Variants in PAG1 observed in about 807,000 individuals in gnomAD.
The protein encoded by PAG1 is phosphoprotein associated with glycosphingolipid-enriched microdomains 1.
A neutral mutation model predicts 31.7 loss-of-function variants in PAG1; 23 were observed. That is an observed-to-expected ratio of 0.73 (90% CI 0.52 to 1.03). The LOEUF (loss-of-function observed/expected upper bound fraction) is 1.03. Among genes scored for constraint, PAG1 ranks in the 50% least tolerant of loss-of-function variants. PAG1 has a pLI of 0.00. For synonymous variants in PAG1, 214 were observed against 210.3 expected, an observed-to-expected ratio of 1.02 and a Z score of -0.15; for missense variants, 473 against 540.7, an observed-to-expected ratio of 0.87 and a Z score of 1.24.
At chr8:81,077,856 GGA>G (rs1809204217) in intron 1 of PAG1, among the ~76,000 whole-genome samples, 1 of 152,070 alleles carries the variant, frequency 6.6e-6, no homozygotes, top group African/African-American at 2.4e-5. Context: ...ATAAACCCTG[GGA>G]GAGACCACCC....
chr8:80,993,930 A>T (rs181017468), intron 3 of PAG1, among the ~76,000 whole-genome samples: 2 of 152,210 alleles, frequency 1.3e-5, no homozygotes, highest in African/African-American at 2.4e-5. Context: ...TCTTCAAATA[A>T]AGATTTCAAG....
chr8:81,104,412 C>T (rs368720549), intron 1 of PAG1, among the ~76,000 whole-genome samples: 1 of 148,370 alleles, frequency 6.7e-6, no homozygotes. Flanking sequence ...TCAGTCCACA[C>T]GTTCTCACAG....
At chr8:81,030,292 A>G (rs2130786850) in intron 2 of PAG1, among the ~76,000 whole-genome samples, 1 of 152,356 alleles carries the variant, frequency 6.6e-6, no homozygotes, top group Non-Finnish European at 1.5e-5. Flanking sequence ...AAATTTCAAT[A>G]AAGAAAACTT....
chr8:81,107,507 G>A (rs899938548), intron 1 of PAG1, among the ~76,000 whole-genome samples: 1 of 152,162 alleles, frequency 6.6e-6, no homozygotes, highest in African/African-American at 2.4e-5. Flanking sequence ...TTACTCTGAA[G>A]CTCACTAGTG....
At chr8:81,100,825 CTAATA>C (rs1809598875) in intron 1 of PAG1, among the ~76,000 whole-genome samples, 1 of 152,170 alleles carries the variant, frequency 6.6e-6, no homozygotes, top group South Asian at 2.1e-4. Context: ...AAAGCTAATT[CTAATA>C]TAAGGCTGAC....
At chr8:80,991,438 G>A in intron 5 of PAG1, 41 bp downstream of exon 5, 1 of 1,512,818 alleles carries the variant, frequency 6.6e-7, no homozygotes, top group Non-Finnish European at 9.2e-7. Flanking sequence ...ATGTTCTGGA[G>A]CACGCACGGA....
chr8:80,977,891 C>T (rs979023316), intron 8 of PAG1, among the ~76,000 whole-genome samples: 5 of 152,120 alleles, frequency 3.3e-5, no homozygotes, highest in African/African-American at 9.7e-5. Context: ...CCTTCATTAC[C>T]TGTGTTTATT....
intron 2 of PAG1, among the ~76,000 whole-genome samples, chr8:81,038,957 A>G (rs1190238677): frequency 2.0e-5 from 3 of 152,240 alleles, no homozygotes; most frequent in Admixed American, 6.5e-5. Context: ...TTGAAGGGAA[A>G]TGACACATGA....
chr8:81,032,368 A>G (rs1563636407), intron 2 of PAG1, among the ~76,000 whole-genome samples: 1 of 152,214 alleles, frequency 6.6e-6, no homozygotes, highest in Admixed American at 6.5e-5. Context: ...CAATAATAAA[A>G]AGACAACCCA....
chr8:81,078,404 A>T (rs1219273507), intron 1 of PAG1, among the ~76,000 whole-genome samples: 1 of 152,226 alleles, frequency 6.6e-6, no homozygotes, highest in East Asian at 1.9e-4. Context: ...ATTATAAGTC[A>T]TGAACAGATG....
At position 80,975,101 on chromosome 8, in the gene PAG1, A is replaced by C. The variant is rs575054959; in HGVS notation, c.*1443T>G. 228 of 152,368 alleles carry C rather than the reference A, an allele frequency of 1.5e-3. No individual in the cohort carries two copies. The highest frequency in any genetic ancestry group is 5.3e-3 in the African/African-American group (220 of 41,600). The allele number at this position is 152,368 out of a possible 1,614,324, so 9.4% of individuals were successfully genotyped here. A position where few individuals can be genotyped will look rare whatever the true frequency, so the allele number is the denominator to read the frequency against. The stretch of plus-strand genomic sequence containing the variant: ...GAATTATGACACTTTTATGAGGTTT[A>C]TAATTCACAGCCACCTCTCATCATA... On this transcript the variant is annotated 3_prime_UTR_variant, in exon 9 of 9. Transcript: ENST00000220597.
intron 2 of PAG1, among the ~76,000 whole-genome samples, chr8:81,052,385 T>C (rs1808748289): frequency 6.6e-6 from 1 of 151,950 alleles, no homozygotes; most frequent in Admixed American, 6.6e-5. Context: ...CCCCCACCAC[T>C]GCATGAGGCT....
chr8:81,050,126 A>G (rs1808703736), intron 2 of PAG1, among the ~76,000 whole-genome samples: 2 of 152,228 alleles, frequency 1.3e-5, no homozygotes, highest in South Asian at 4.1e-4. Context: ...CTTAAAATTA[A>G]TTCAACATAA....
chr8:81,112,017 A>C lies in PAG1; in HGVS notation c.-660T>G, dbSNP rs1213552605. ...TCACATCGCGGGCGCGCAGACGGACAAGCGAGCGGGAGGGTACCGCAGCCA... is the reference window on the plus strand; with the variant it reads ...TCACATCGCGGGCGCGCAGACGGACCAGCGAGCGGGAGGGTACCGCAGCCA... On this transcript the variant is annotated 5_prime_UTR_variant, in exon 1 of 9. Coordinates refer to ENST00000220597, the MANE Select transcript of PAG1 (RefSeq NM_018440.4). 1 of 152,166 alleles carries C rather than the reference A, an allele frequency of 6.6e-6. No individual in the cohort carries two copies. Among genetic ancestry groups the C allele is most frequent in the Non-Finnish European group, 1.5e-5 (1 of 68,030 alleles). 9.4% of individuals were successfully genotyped at this position (152,166 alleles called of 1,614,324 possible). A position where few individuals can be genotyped will look rare whatever the true frequency, so the allele number is the denominator to read the frequency against.
At chr8:81,063,724 AAAG>A (rs1191771901) in intron 2 of PAG1, among the ~76,000 whole-genome samples, 2 of 152,162 alleles carry the variant, frequency 1.3e-5, no homozygotes, top group African/African-American at 4.8e-5. Context: ...TCAAAAAACC[AAAG>A]AAGGAGGCAG....
chr8:80,988,671 C>T (rs771174436), intron 5 of PAG1, among the ~76,000 whole-genome samples: 3 of 152,106 alleles, frequency 2.0e-5, no homozygotes, highest in African/African-American at 4.8e-5. Context: ...AGGCTGGTCT[C>T]GAACTCCTGG....
chr8:80,977,711 G>C (rs1807213561), intron 8 of PAG1, among the ~76,000 whole-genome samples: 1 of 152,138 alleles, frequency 6.6e-6, no homozygotes, highest in Admixed American at 6.5e-5. Flanking sequence ...ATACTATTAA[G>C]AGCCAGTGGC....
intron 3 of PAG1, 30 bp downstream of exon 3, chr8:81,029,966 T>TC (rs1259810411): frequency 6.6e-6 from 1 of 152,266 alleles, no homozygotes; most frequent in Non-Finnish European, 1.5e-5. Flanking sequence ...TAGTGATGTG[T>TC]CCCTTTATTG....
In PAG1 at chr8:80,975,268, T is replaced by G. The variant is rs1040625569; in HGVS notation, c.*1276A>C. ...TGAATCAGGAGCTCCAAGTACCATT[T>G]AAAAAGGTGAGTCTTTAAAAACCAT... On this transcript the variant is annotated 3_prime_UTR_variant, in exon 9 of 9. Transcript: ENST00000220597. The G allele has an allele frequency of 2.6e-5, 4 of 152,226 alleles. No homozygotes were observed. Among genetic ancestry groups the G allele is most frequent in the Non-Finnish European group, 5.9e-5 (4 of 68,038 alleles). 9.4% of individuals were successfully genotyped at this position (152,226 alleles called of 1,614,324 possible). A position where few individuals can be genotyped will look rare whatever the true frequency, so the allele number is the denominator to read the frequency against.
Sources: allele counts gnomAD v4.1 joint callset (sites outside exome capture counted in the v4.1 genomes callset), GRCh38; gene constraint gnomAD v4.1.1; transcripts MANE v1.5; gene names NCBI Gene and HGNC (gene_info 2026-07-23, HGNC 2026-07-21).